PIGZ: variants seen among roughly 807,000 people sequenced by gnomAD.
The protein encoded by PIGZ is phosphatidylinositol glycan anchor biosynthesis class Z (Gwada blood group).
PIGZ carries 16 observed loss-of-function variants against 16.4 expected under a neutral mutation model. That is an observed-to-expected ratio of 0.97 (90% confidence interval 0.66 to 1.48). PIGZ has a LOEUF of 1.48. Ranked by LOEUF, PIGZ falls within the 40% of genes most tolerant of loss-of-function variation. The pLI is 0.00. For synonymous variants in PIGZ, 409 were observed against 338.4 expected (o/e 1.21, Z -2.29); for missense variants, 770 against 739.2 (o/e 1.04, Z -0.48).
At chr3:196,967,955 G>A (rs1000476997) in intron 1 of PIGZ, among the ~76,000 whole-genome samples, 2 of 152,222 alleles carry the variant, frequency 1.3e-5, no homozygotes, top group African/African-American at 2.4e-5. Context: ...GTAGTTCTCA[G>A]TTTTCCGAGG....
intron 1 of PIGZ, among the ~76,000 whole-genome samples, chr3:196,955,066 C>T (rs768329009): frequency 8.5e-5 from 13 of 152,162 alleles, no homozygotes; most frequent in Non-Finnish European, 1.6e-4. Flanking sequence ...GCTAGGAAGA[C>T]GGGTATGTGC....
Position 196,951,877 on chromosome 3 carries a change from G to A in PIGZ, c.155C>T (p.Pro52Leu), listed in dbSNP as rs201038840. ...SLLRVLWCLL[P>L]QTGYVHPDEF... The stretch of plus-strand genomic sequence containing the variant: ...ATCTGGGTGCACATAGCCCGTCTGC[G>A]GAAGGAGACACCACAGCACTCGGAG... The change falls in exon 2 of 3, where the codon CCG becomes CTG. Residue 52 changes from proline to leucine, a missense_variant. Pro to Leu is a moderately conservative substitution (Grantham distance 98, BLOSUM62 -3). Transcript: ENST00000412723. 1.3e-4 allele frequency: 202 copies of A among 1,614,102 alleles called. No homozygotes were observed. The highest frequency in any genetic ancestry group is 1.9e-4 in the South Asian group (17 of 91,074).
chr3:196,955,914 A>G (rs1291612928), intron 1 of PIGZ, among the ~76,000 whole-genome samples: 3 of 151,744 alleles, frequency 2.0e-5, no homozygotes, highest in Non-Finnish European at 2.9e-5. Context: ...TATTTATACC[A>G]TCTTATTTTG....
chr3:196,962,838 A>G (rs1048848834), intron 1 of PIGZ, among the ~76,000 whole-genome samples: 3 of 152,170 alleles, frequency 2.0e-5, no homozygotes, highest in Admixed American at 6.5e-5. Context: ...GTCCTGCCAC[A>G]TCCCCCTCAC....
At chr3:196,953,960 T>G (rs1352624676) in intron 1 of PIGZ, among the ~76,000 whole-genome samples, 1 of 151,134 alleles carries the variant, frequency 6.6e-6, no homozygotes, top group Non-Finnish European at 1.5e-5. Flanking sequence ...ACTACTGCAC[T>G]TCTGCCTAGG....
intron 1 of PIGZ, among the ~76,000 whole-genome samples, chr3:196,953,469 ACT>A (rs1247700754): frequency 6.6e-6 from 1 of 152,178 alleles, no homozygotes; most frequent in African/African-American, 2.4e-5. Context: ...AACATTTGTA[ACT>A]CTATATGATG....
chr3:196,952,064 T>C lies in PIGZ; in HGVS notation c.1-33A>G, dbSNP rs1177941193. ...GGATAACAGTTGTTGGTTATCACGA[T>C]GTAAATTATAATATATTCAACTGTC... On this transcript the variant is annotated intron_variant, in intron 1 of 2. Transcript: ENST00000412723. 3 of 1,577,302 alleles carry C rather than the reference T, an allele frequency of 1.9e-6. No individual in the cohort carries two copies. In the South Asian group the frequency reaches 3.4e-5, roughly 18 times the overall value.
rs1385841142 is a variant in PIGZ, at chr3:196,947,730, A to C, written c.1167T>G (p.Ala389=). The change falls in exon 3 of 3, where the codon GCT becomes GCG. Residue 389 remains alanine, a synonymous_variant. Transcript: ENST00000412723. ...GGACCAGGAGGGGAATCAGGAACCG[A>C]GCCTCCTGGTGGCTAAAGGCAGATA... is the stretch of plus-strand genomic sequence containing the variant. The part of the protein sequence containing the change: ...ALLSAFSHQE[A]RFLIPLLVPL... The C allele has an allele frequency of 6.2e-7, 1 of 1,613,072 alleles. No individual in the cohort carries two copies.
Position 196,946,949 on chromosome 3 carries a change from C to G in PIGZ, c.*208G>C, listed in dbSNP as rs564070656. On this transcript the variant is annotated 3_prime_UTR_variant, in exon 3 of 3. Transcript: ENST00000412723. ...TCTTTGGGGACCTTGACATCAAGAC[C>G]GACAGGTCAAATCTTTGGTCTCAGG... 4 of 500,004 alleles carry G rather than the reference C, an allele frequency of 8.0e-6. No homozygotes were observed. The Admixed American group carries it at 1.1e-4, about 14-fold the overall frequency. 31.0% of individuals were successfully genotyped at this position (500,004 alleles called of 1,614,324 possible).
chr3:196,962,879 C>G (rs1040128624), intron 1 of PIGZ, among the ~76,000 whole-genome samples: 1 of 152,194 alleles, frequency 6.6e-6, no homozygotes, highest in Non-Finnish European at 1.5e-5. Context: ...TCAATAAATA[C>G]TGAGGGAATT....
intron 1 of PIGZ, among the ~76,000 whole-genome samples, chr3:196,967,867 C>T (rs548874717): frequency 1.1e-3 from 163 of 152,330 alleles, no homozygotes; most frequent in Admixed American, 3.7e-3. Flanking sequence ...ATTTAACCAC[C>T]CGCGACCTTG....
chr3:196,956,404 A>ATG (rs1717490515), intron 1 of PIGZ, among the ~76,000 whole-genome samples: 1 of 152,228 alleles, frequency 6.6e-6, no homozygotes, highest in African/African-American at 2.4e-5. Context: ...AGCGAATGAG[A>ATG]CGCAAGCAAA....
intron 1 of PIGZ, among the ~76,000 whole-genome samples, chr3:196,960,889 A>G (rs573325212): frequency 6.6e-6 from 1 of 152,360 alleles, no homozygotes; most frequent in South Asian, 2.1e-4. Context: ...AGATATTCAG[A>G]AAATTATAAA....
At chr3:196,951,505 A>T in intron 2 of PIGZ, 1 of 390,846 alleles carries the variant, frequency 2.6e-6, no homozygotes, top group Non-Finnish European at 4.8e-6. Context: ...GGGAAGCCTA[A>T]CTCTAATAAA....
rs1027309963 is a variant in PIGZ, at chr3:196,947,467, C to T, written c.1430G>A (p.Gly477Asp). The T allele has an allele frequency of 2.5e-6, 4 of 1,613,474 alleles. No individual in the cohort carries two copies. Among genetic ancestry groups the T allele is most frequent in the Non-Finnish European group, 3.4e-6 (4 of 1,179,962 alleles). Residue 477 changes from glycine to aspartate, a missense_variant, in exon 3 of 3, where the codon GGC becomes GAC. By Grantham distance (94) the Gly-to-Asp change is moderately conservative (BLOSUM62 -1). Transcript: ENST00000412723. ...MPPRHLLHLP[G>D]LGAPVEVVDM... ...CACCACCTCCACTGGTGCCCCCAGG[C>T]CTGGGAGGTGTAGGAGGTGCCGGGG...
chr3:196,960,725 AAAAGAAAGAAAGAGAAAG>A (rs1560188758), intron 1 of PIGZ, among the ~76,000 whole-genome samples: 17 of 44,490 alleles, frequency 3.8e-4, no homozygotes, highest in African/African-American at 1.4e-3. Context: ...GGAAAGAAAG[AAAAGAAAGAAAGAGAAAG>A]AAAGAAAGAA....
rs774049572 is a variant in PIGZ, at chr3:196,947,294, T to C, written c.1603A>G (p.Ser535Gly). ...GTTRRAVEKC[S>G]FPFKNETLLF... is the part of the protein sequence containing the mutation. ...AGTGTTTCATTCTTGAAGGGGAAGC[T>C]GCACTTCTCCACGGCACGCCTGGTG... Residue 535 changes from serine to glycine, a missense_variant, in exon 3 of 3, where the codon AGC becomes GGC. Ser to Gly is a moderately conservative substitution (Grantham distance 56, BLOSUM62 0). Coordinates refer to ENST00000412723, the MANE Select transcript of PIGZ (RefSeq NM_025163.4). The C allele has an allele frequency of 5.6e-6, 9 of 1,614,068 alleles. No homozygotes were observed. Among genetic ancestry groups the C allele is most frequent in the Non-Finnish European group, 5.9e-6 (7 of 1,180,018 alleles).
rs1560181008 is a variant in PIGZ, at chr3:196,948,932, TACTTCCCTTCCTTCCCCTCCCCTC to T, written c.212-271_212-248del. ...TCCCCTCCCTTCCCTTCCTTCCCTT[TACTTCCCTTCCTTCCCCTCCCCTC>T]CCTTCCTTCCCTTCCCCTCCCCTCC... On this transcript the variant is annotated intron_variant, in intron 2 of 2. Coordinates refer to ENST00000412723, the MANE Select transcript of PIGZ (RefSeq NM_025163.4). Among the ~76,000 whole-genome samples the T allele has an allele frequency of 2.3e-3, 23 of 9,962 alleles. 2 individuals are homozygous for T. The highest frequency in any genetic ancestry group is 3.1e-3 in the South Asian group (1 of 326). 6.5% of individuals were successfully genotyped at this position (9,962 alleles called of 152,430 possible).
chr3:196,948,468 G>C lies in PIGZ; in HGVS notation c.429C>G (p.Ala143=). 6.2e-7 allele frequency: 1 copy of C among 1,613,824 alleles called. No homozygotes were observed. Among genetic ancestry groups the C allele is most frequent in the Non-Finnish European group, 8.5e-7 (1 of 1,179,910 alleles). The part of the protein sequence containing the change: ...LTALSFALDG[A]VYHLAPPMGA... ...CCATCGGCGGGGCCAGGTGGTACAC[G>C]GCCCCGTCCAGAGCAAAGGAAAGGG... Residue 143 remains alanine, a synonymous_variant, in exon 3 of 3, where the codon GCC becomes GCG. Coordinates refer to ENST00000412723, the MANE Select transcript of PIGZ (RefSeq NM_025163.4).
Sources: allele counts gnomAD v4.1 joint callset (sites outside exome capture counted in the v4.1 genomes callset), GRCh38; gene constraint gnomAD v4.1.1; transcripts MANE v1.5; gene names NCBI Gene and HGNC (gene_info 2026-07-23, HGNC 2026-07-21).